The following PRKCE variants were observed in gnomAD, a reference collection of about 807,000 sequenced individuals.
PRKCE encodes the protein protein kinase C epsilon type.
In PRKCE, 16 loss-of-function variants were observed where a neutral mutation model predicts 85.4. The ratio of observed to expected loss-of-function variants is 0.19; its 90% confidence interval spans 0.13 to 0.28. The LOEUF is 0.28. PRKCE is among the 10% of genes least tolerant of loss of function. The pLI is 1.00. For missense variants in PRKCE, 573 were observed against 975.2 expected (o/e 0.59, Z 5.49); for synonymous variants, 388 against 371.5 (o/e 1.04, Z -0.51).
intron 1 of PRKCE, among the ~76,000 whole-genome samples, chr2:45,730,498 T>G (rs1681477320): frequency 6.6e-6 from 1 of 150,742 alleles, no homozygotes. Context: ...CTCACCCTGT[T>G]GCCCAGGCTC....
At chr2:45,880,067 A>G (rs1396834025) in intron 2 of PRKCE, among the ~76,000 whole-genome samples, 1 of 151,472 alleles carries the variant, frequency 6.6e-6, no homozygotes, top group Non-Finnish European at 1.5e-5. Context: ...TCTACTTTTT[A>G]CCTCTAGGAG....
intron 1 of PRKCE, among the ~76,000 whole-genome samples, chr2:45,817,740 G>A (rs1285006334): frequency 2.0e-5 from 3 of 152,154 alleles, no homozygotes. Flanking sequence ...TGCTGACACC[G>A]AGGCTTTGCT....
intron 1 of PRKCE, among the ~76,000 whole-genome samples, chr2:45,779,109 T>C (rs1348193018): frequency 6.6e-6 from 1 of 152,196 alleles, no homozygotes; most frequent in African/African-American, 2.4e-5. Context: ...CTCAGTAAGA[T>C]TAAGTAACTT....
rs536386524 is a variant in PRKCE, at chr2:45,652,191, C to T, written c.91C>T (p.Pro31Ser). The T allele has an allele frequency of 2.4e-5, 38 of 1,613,426 alleles. No individual in the cohort carries two copies. In the East Asian group the frequency reaches 7.6e-4, roughly 32 times the overall value. The change falls in exon 1 of 15, where the codon CCC becomes TCC. Residue 31 changes from proline (P) to serine (S), a missense_variant. Around this residue, in one of 11 missense-constraint regions of PRKCE, gnomAD observed 100 missense variants for 177.1 expected, o/e 0.56. Transcript: ENST00000306156. The surrounding 1 kb of genome is among the most constrained non-coding windows in gnomAD (Gnocchi z 7.7). Reference protein sequence around the residue: ...TAWSLRHAVGPRPQTFLLDPY... With the variant: ...TAWSLRHAVGSRPQTFLLDPY... ...CTGGTCGCTGCGCCATGCGGTGGGA[C>T]CCCGGCCGCAGACTTTCCTTCTCGA...
chr2:45,651,769 C>T lies in PRKCE; in HGVS notation c.-332C>T, dbSNP rs1245362503. The T allele has an allele frequency of 1.9e-5, 4 of 206,632 alleles. No individual in the cohort carries two copies. Among genetic ancestry groups the T allele is most frequent in the Admixed American group, 5.6e-5 (1 of 17,868 alleles). The allele number at this position is 206,632 out of a possible 1,614,324, so 12.8% of individuals were successfully genotyped here. A position where few individuals can be genotyped will look rare whatever the true frequency, so the allele number is the denominator to read the frequency against. On this transcript the variant is annotated 5_prime_UTR_variant, in exon 1 of 15. Coordinates refer to ENST00000306156, the MANE Select transcript of PRKCE (RefSeq NM_005400.3). ...CGGAGCCGGAGAGCCAGCGAGGCGG[C>T]GAGGCAGCCCCCGCGGCTTGCAGCG...
At chr2:46,072,994 C>A (rs911658633) in intron 10 of PRKCE, among the ~76,000 whole-genome samples, 16 of 152,140 alleles carry the variant, frequency 1.1e-4, no homozygotes, top group African/African-American at 3.9e-4. Context: ...CTGGGGAATT[C>A]AAAAATAAAT....
At position 46,186,795 on chromosome 2, in the gene PRKCE, C is replaced by T. The variant is rs532780687; in HGVS notation, c.*1914C>T. ...ATTAGAGAGTCTGTGTCCATATTTG[C>T]ATCTGGCTGGTCATAGCCTTTGTTA... On this transcript the variant is annotated 3_prime_UTR_variant, in exon 15 of 15. Transcript: ENST00000306156. The T allele has an allele frequency of 1.3e-5, 2 of 152,286 alleles. No individual in the cohort carries two copies. The highest frequency in any genetic ancestry group is 4.1e-4 in the South Asian group (2 of 4,822). 9.4% of individuals were successfully genotyped at this position (152,286 alleles called of 1,614,324 possible).
intron 1 of PRKCE, among the ~76,000 whole-genome samples, chr2:45,677,505 C>T (rs999803976): frequency 5.9e-5 from 9 of 151,908 alleles, no homozygotes; most frequent in South Asian, 2.1e-4. Flanking sequence ...TACAGGCGCC[C>T]GCCACCGCGC....
At chr2:45,653,247 T>A (rs2103673548) in intron 1 of PRKCE, among the ~76,000 whole-genome samples, 1 of 152,260 alleles carries the variant, frequency 6.6e-6, no homozygotes. Flanking sequence ...ATTATTAAAC[T>A]ATTAAGGATT....
chr2:46,022,222 T>G (rs150956969), intron 10 of PRKCE, among the ~76,000 whole-genome samples: 5 of 152,312 alleles, frequency 3.3e-5, no homozygotes, highest in African/African-American at 1.2e-4. Context: ...GACAGTTATC[T>G]GGGCACTGAC....
intron 8 of PRKCE, among the ~76,000 whole-genome samples, chr2:46,005,869 C>G (rs1004626054): frequency 6.6e-6 from 1 of 152,200 alleles, no homozygotes; most frequent in African/African-American, 2.4e-5. Flanking sequence ...GAACTTGTAG[C>G]TATTTTCCCA....
Position 45,958,837 on chromosome 2 carries a change from T to A in PRKCE, c.413-17592T>A, listed in dbSNP as rs1282862476. Reference sequence around the variant, plus strand: ...ATATATTTTTTTTTTTTTTTTTTTTTTTTTTTTTTTTTTTTTTTAATAGAA... The same window carrying A: ...ATATATTTTTTTTTTTTTTTTTTTTATTTTTTTTTTTTTTTTTTAATAGAA... On this transcript the variant is annotated intron_variant, in intron 2 of 14. Transcript: ENST00000306156. 2.4e-3 allele frequency among the ~76,000 whole-genome samples: 260 copies of A among 109,810 alleles called. 9 individuals carry two copies. The highest frequency in any genetic ancestry group is 7.4e-3 in the African/African-American group (224 of 30,072). The allele number at this position is 109,810 out of a possible 152,430, so 72.0% of individuals were successfully genotyped here.
At chr2:46,102,683 A>G (rs779392367) in intron 11 of PRKCE, among the ~76,000 whole-genome samples, 1 of 152,138 alleles carries the variant, frequency 6.6e-6, no homozygotes, top group Non-Finnish European at 1.5e-5. Flanking sequence ...TATGACCTTC[A>G]CTATTTGAGG....
intron 11 of PRKCE, among the ~76,000 whole-genome samples, chr2:46,095,194 T>C (rs140567495): frequency 6.6e-6 from 1 of 152,240 alleles, no homozygotes; most frequent in Non-Finnish European, 1.5e-5. Context: ...GCCCACTTAG[T>C]TGGGGAACCT....
intron 2 of PRKCE, among the ~76,000 whole-genome samples, chr2:45,867,370 A>G (rs907219331): frequency 6.6e-5 from 10 of 152,248 alleles, no homozygotes; most frequent in Non-Finnish European, 1.3e-4. Context: ...TTTAAAGTAT[A>G]AGTATATTCC....
intron 2 of PRKCE, among the ~76,000 whole-genome samples, chr2:45,972,528 A>G (rs1232460584): frequency 6.6e-6 from 1 of 152,232 alleles, no homozygotes; most frequent in African/African-American, 2.4e-5. Flanking sequence ...TATCTAAGAA[A>G]TCATTGCCAA....
intron 11 of PRKCE, among the ~76,000 whole-genome samples, chr2:46,117,923 G>A (rs917534595): frequency 3.9e-5 from 6 of 152,068 alleles, no homozygotes; most frequent in African/African-American, 1.4e-4. Context: ...GGTCATCTGA[G>A]GTAACTCCAA....
At chr2:46,064,953 C>T (rs758918413) in intron 10 of PRKCE, among the ~76,000 whole-genome samples, 4 of 152,184 alleles carry the variant, frequency 2.6e-5, no homozygotes, top group Non-Finnish European at 5.9e-5. Context: ...GTAGATGTGG[C>T]TCCCCATTTT....
intron 2 of PRKCE, among the ~76,000 whole-genome samples, chr2:45,914,896 C>A (rs1267435469): frequency 6.6e-6 from 1 of 152,148 alleles, no homozygotes; most frequent in Non-Finnish European, 1.5e-5. Flanking sequence ...TTACTATCAA[C>A]TGCTGAAAAA....
Sources: gnomAD v4.1 joint callset for allele counts (sites outside exome capture counted in the v4.1 genomes callset) on GRCh38, gnomAD v4.1.1 for gene constraint, gnomAD v4.1.1 regional missense constraint, Gnocchi (gnomAD v3.1) non-coding constraint, MANE v1.5 for transcripts, NCBI Gene and HGNC (gene_info 2026-07-23, HGNC 2026-07-21) for gene names.